PCBP3: variants seen among roughly 807,000 people sequenced by gnomAD.
PCBP3 encodes poly(rC)-binding protein 3.
Under a neutral mutation model 52.7 loss-of-function variants are expected in PCBP3, and 25 were observed. The ratio of observed to expected loss-of-function variants is 0.47; its 90% confidence interval spans 0.35 to 0.66. The LOEUF (loss-of-function observed/expected upper bound fraction) is 0.66, where lower values mean the gene tolerates loss of function less well. Ranked by LOEUF, PCBP3 falls within the 30% of genes least tolerant of loss-of-function variation. The pLI is 0.01. For synonymous variants in PCBP3, 162 were observed against 183.0 expected (o/e 0.89, Z 0.93); for missense variants, 391 against 490.3 (o/e 0.80, Z 1.91).
rs911103466 is a variant in PCBP3 at position 45,741,174 on chromosome 21, G to A, written c.-162+5745G>A. 3.3e-5 allele frequency among the ~76,000 whole-genome samples: 5 copies of A among 152,166 alleles called. No homozygotes were observed. The highest frequency in any genetic ancestry group is 6.5e-5 in the Admixed American group (1 of 15,280). On this transcript the variant is annotated intron_variant, in intron 3 of 17. Coordinates refer to ENST00000681687, the MANE Select transcript of PCBP3 (RefSeq NM_001384156.1). The surrounding 1 kb of genome is among the most constrained non-coding windows in gnomAD (Gnocchi z 4.5). The stretch of plus-strand genomic sequence containing the variant: ...AAGCTGGACGCTGGGGCCCTGGGGC[G>A]TGGCTCCAAGAAGGGCTGGAGGGTG...
At chr21:45,657,040 C>T (rs1028110501) in intron 1 of PCBP3, among the ~76,000 whole-genome samples, 2 of 152,128 alleles carry the variant, frequency 1.3e-5, no homozygotes, top group African/African-American at 4.8e-5. Context: ...CCAGGATGGT[C>T]TCGCTCTCCT....
chr21:45,868,038 A>C lies in PCBP3; in HGVS notation c.10+17943A>C, dbSNP rs79038551. On this transcript the variant is annotated intron_variant, in intron 5 of 17. Transcript: ENST00000681687. ...TGGCAGCCAGGGGGTCTGGCACCTCACTCGGAGGCGCAGTGGGCCCGTCCG... is the reference window on the plus strand; with the variant it reads ...TGGCAGCCAGGGGGTCTGGCACCTCCCTCGGAGGCGCAGTGGGCCCGTCCG... Among the ~76,000 whole-genome samples the C allele has an allele frequency of 1.9e-3, 294 of 152,392 alleles. 2 individuals carry two copies. The highest frequency in any genetic ancestry group is 6.8e-3 in the African/African-American group (283 of 41,602).
At chr21:45,674,196 C>A (rs1479447689) in intron 2 of PCBP3, among the ~76,000 whole-genome samples, 3 of 152,160 alleles carry the variant, frequency 2.0e-5, no homozygotes, top group Non-Finnish European at 2.9e-5. Context: ...TAACCCTGAG[C>A]CGATAATACC....
At position 45,940,208 on chromosome 21, in the gene PCBP3, C is replaced by T; in HGVS notation, c.1079+9C>T. On this transcript the variant is annotated intron_variant, in intron 17 of 17. Transcript: ENST00000681687. ...TATCTCATCAACGCCAGGTGAGCAT[C>T]TCCCAAGGGTCTCTGAGAGACGCCC... 1.2e-6 allele frequency: 2 copies of T among 1,607,054 alleles called. No homozygotes were observed. The highest frequency in any genetic ancestry group is 8.5e-7 in the Non-Finnish European group (1 of 1,175,232).
At chr21:45,669,921 A>G (rs2081071629) in intron 2 of PCBP3, among the ~76,000 whole-genome samples, 1 of 149,394 alleles carries the variant, frequency 6.7e-6, no homozygotes, top group Admixed American at 6.8e-5. Flanking sequence ...TAATGCTGCC[A>G]TGAACTTGGG....
chr21:45,696,188 A>G (rs906209527), intron 2 of PCBP3, among the ~76,000 whole-genome samples: 3 of 151,744 alleles, frequency 2.0e-5, no homozygotes, highest in Non-Finnish European at 4.4e-5. Flanking sequence ...CACCAGCCAC[A>G]CTTGGATTGG....
intron 13 of PCBP3, among the ~76,000 whole-genome samples, chr21:45,926,588 G>A (rs909344094): frequency 1.1e-4 from 17 of 152,142 alleles, no homozygotes; most frequent in African/African-American, 1.9e-4. Flanking sequence ...GAAGGAAGCC[G>A]TCTATGAGAC....
chr21:45,715,188 C>T (rs2084128161), intron 2 of PCBP3, among the ~76,000 whole-genome samples: 1 of 152,090 alleles, frequency 6.6e-6, no homozygotes, highest in Non-Finnish European at 1.5e-5. Context: ...TACTGATTTG[C>T]CATCTCTAGA....
intron 1 of PCBP3, among the ~76,000 whole-genome samples, chr21:45,649,604 T>A (rs1214151038): frequency 6.6e-6 from 1 of 152,168 alleles, no homozygotes; most frequent in Non-Finnish European, 1.5e-5. Context: ...CAGTTTCTGG[T>A]TGCTTCATGT....
chr21:45,688,308 G>A (rs2082269962), intron 2 of PCBP3, among the ~76,000 whole-genome samples: 1 of 152,150 alleles, frequency 6.6e-6, no homozygotes, highest in African/African-American at 2.4e-5. Flanking sequence ...ATGAAAAAGT[G>A]TTAAATAATA....
At chr21:45,728,036 G>A (rs191770557) in intron 2 of PCBP3, among the ~76,000 whole-genome samples, 27 of 152,120 alleles carry the variant, frequency 1.8e-4, no homozygotes, top group Non-Finnish European at 2.6e-4. Flanking sequence ...TATTTCCTCG[G>A]TATCTTCATA....
rs1346777079 is a variant in PCBP3, at chr21:45,741,806, TC to T, written c.-162+6378del. Among the ~76,000 whole-genome samples, 1 of 152,166 alleles carries T rather than the reference TC, an allele frequency of 6.6e-6. No individual in the cohort carries two copies. Among genetic ancestry groups the T allele is most frequent in the Non-Finnish European group, 1.5e-5 (1 of 68,020 alleles). ...CCCTTGCCCTCTGGTCCTCTCCACTTCAGAGGCCCGGCCTCTGGCTTGGTGA... is the reference window on the plus strand; with the variant it reads ...CCCTTGCCCTCTGGTCCTCTCCACTTAGAGGCCCGGCCTCTGGCTTGGTGA... On this transcript the variant is annotated intron_variant, in intron 3 of 17. Coordinates refer to ENST00000681687, the MANE Select transcript of PCBP3 (RefSeq NM_001384156.1). The surrounding 1 kb of genome is among the most constrained non-coding windows in gnomAD (Gnocchi z 4.5).
intron 1 of PCBP3, among the ~76,000 whole-genome samples, chr21:45,649,168 A>G (rs373866861): frequency 1.8e-4 from 28 of 152,338 alleles, no homozygotes; most frequent in African/African-American, 6.7e-4. Context: ...GGTACATCTC[A>G]CATGGCAGCA....
chr21:45,711,521 A>T (rs945934213), intron 2 of PCBP3, among the ~76,000 whole-genome samples: 1 of 152,208 alleles, frequency 6.6e-6, no homozygotes, highest in African/African-American at 2.4e-5. Flanking sequence ...CACCTTTAGT[A>T]TACATGTATA....
In PCBP3 at chr21:45,909,443, C is replaced by A; in HGVS notation, c.428C>A (p.Ser143Tyr). 6.2e-7 allele frequency: 1 copy of A among 1,613,422 alleles called. No individual in the cohort carries two copies. The highest frequency in any genetic ancestry group is 1.1e-5 in the South Asian group (1 of 91,078). Residue 143 changes from serine to tyrosine, a missense_variant, in exon 10 of 18, where the codon TCC (serine) becomes TAC (tyrosine). Ser to Tyr is a moderately radical substitution (Grantham distance 144). Transcript: ENST00000681687. ...GTGGTGCCTGCCAGCCAGTGTGGGT[C>A]CCTGATCGGCAAAGGAGGCTCCAAG... ...RLVVPASQCG[S>Y]LIGKGGSKIK...
At chr21:45,900,867 T>C (rs2096016052) in intron 8 of PCBP3, 130 bp from the exon 9 acceptor site, 2 of 734,434 alleles carry the variant, frequency 2.7e-6, no homozygotes, top group South Asian at 3.1e-5. Context: ...AGCATTTTAC[T>C]GTTCATTCAT....
chr21:45,897,462 A>T (rs2095862256), intron 6 of PCBP3, among the ~76,000 whole-genome samples: 1 of 152,174 alleles, frequency 6.6e-6, no homozygotes, highest in South Asian at 2.1e-4. Flanking sequence ...TGTGCCTGTC[A>T]GCCGCTCCCA....
intron 10 of PCBP3, 96 bp from the exon 11 acceptor site, chr21:45,910,806 T>C: frequency 8.0e-7 from 1 of 1,242,510 alleles, no homozygotes; most frequent in Admixed American, 2.1e-5. Context: ...TCCAAGGAAG[T>C]GTCCCCCGAG....
At chr21:45,767,724 G>A in intron 4 of PCBP3, among the ~76,000 whole-genome samples, 1 of 152,240 alleles carries the variant, frequency 6.6e-6, no homozygotes, top group Non-Finnish European at 1.5e-5. Context: ...GACCTTCGTG[G>A]TGAGGCAGCT....
Sources: allele counts gnomAD v4.1 joint callset (sites outside exome capture counted in the v4.1 genomes callset), GRCh38; gene constraint gnomAD v4.1.1; non-coding constraint Gnocchi (gnomAD v3.1); transcripts MANE v1.5; gene names NCBI Gene and HGNC (gene_info 2026-07-23, HGNC 2026-07-21).